The following SLC30A1 variants were observed in gnomAD, a reference collection of about 807,000 sequenced individuals.
SLC30A1 encodes proton-coupled zinc antiporter SLC30A1.
In SLC30A1, 7 loss-of-function variants were observed where a neutral mutation model predicts 29.8. The ratio of observed to expected loss-of-function variants is 0.23; its 90% CI spans 0.13 to 0.44. The LOEUF is 0.44. SLC30A1 is among the 20% of genes least tolerant of loss of function. The pLI is 1.00. For synonymous variants in SLC30A1, 254 were observed against 253.5 expected, an observed-to-expected ratio of 1.00 and a Z score of -0.02; for missense variants, 446 against 647.9, an observed-to-expected ratio of 0.69 and a Z score of 3.38.
Position 211,578,722 on chromosome 1 carries a change from C to A in SLC30A1, c.-110G>T. On this transcript the variant is annotated 5_prime_UTR_variant, in exon 1 of 2. Transcript: ENST00000367001. ...GACACGGAGGAGCGCCCGAGTCGGG[C>A]CGTTCGGGAAACCGCTGAGGGGCCC... The A allele has an allele frequency of 1.7e-6, 2 of 1,205,196 alleles. No homozygotes were observed. The highest frequency in any genetic ancestry group is 1.1e-6 in the Non-Finnish European group (1 of 921,216). The allele number at this position is 1,205,196 out of a possible 1,614,324, so 74.7% of individuals were successfully genotyped here.
chr1:211,574,521 A>C lies in SLC30A1; in HGVS notation c.*867T>G, dbSNP rs549680176. 45 of 152,292 alleles carry C rather than the reference A, an allele frequency of 3.0e-4. No individual in the cohort carries two copies. The highest frequency in any genetic ancestry group is 1.3e-3 in the Admixed American group (20 of 15,300). The allele number at this position is 152,292 out of a possible 1,614,324, so 9.4% of individuals were successfully genotyped here. A position where few individuals can be genotyped will look rare whatever the true frequency, so the allele number is the denominator to read the frequency against. On this transcript the variant is annotated 3_prime_UTR_variant, in exon 2 of 2. Coordinates refer to ENST00000367001, the MANE Select transcript of SLC30A1 (RefSeq NM_021194.3). ...ATTACATTAATCGTTTGCGTTTAGC[A>C]TGTAATTATTAGGTGTCAACATCCT...
intron 1 of SLC30A1, among the ~76,000 whole-genome samples, chr1:211,576,884 AC>A (rs1395110689): frequency 1.5e-5 from 2 of 134,176 alleles, no homozygotes; most frequent in Non-Finnish European, 3.3e-5. Context: ...TACCTGCCCT[AC>A]TAACTTTTAA....
In SLC30A1 at chr1:211,573,963, T is replaced by C. The variant is rs41283136; in HGVS notation, c.*1425A>G. ...TTTCCTCTTACAACCCATTAAACAA[T>C]GAACTATTTTAAATCCCAAAACGTA... is the stretch of plus-strand genomic sequence containing the variant. On this transcript the variant is annotated 3_prime_UTR_variant, in exon 2 of 2. Coordinates refer to ENST00000367001, the MANE Select transcript of SLC30A1 (RefSeq NM_021194.3). The C allele has an allele frequency of 0.019, 2,936 of 152,620 alleles. 58 individuals carry two copies. Among genetic ancestry groups the C allele is most frequent in the South Asian group, 0.04 (193 of 4,828 alleles). 9.5% of individuals were successfully genotyped at this position (152,620 alleles called of 1,614,324 possible).
At position 211,578,199 on chromosome 1, in the gene SLC30A1, G is replaced by T; in HGVS notation, c.414C>A (p.Ser138Arg). The change falls in exon 1 of 2, where the codon AGC becomes AGA. Residue 138 changes from serine (S) to arginine (R), a missense_variant. By Grantham distance (110) the Ser-to-Arg change is moderately radical (BLOSUM62 -1). This residue lies in a region of SLC30A1 where 159 missense variants were observed against 161.1 expected (regional missense o/e 0.99). Transcript: ENST00000367001. The stretch of plus-strand genomic sequence containing the variant: ...CGTGGCCGGAGTCCTGGCTGAAGCC[G>T]CTGTGATGGTGGAAGAGGCAGAGCC... ...VLGLCLFHHH[S>R]GFSQDSGHGH... is the part of the protein sequence containing the mutation. 6.2e-7 allele frequency: 1 copy of T among 1,610,456 alleles called. No individual in the cohort carries two copies. The highest frequency in any genetic ancestry group is 8.5e-7 in the Non-Finnish European group (1 of 1,178,902).
rs940126544 is a variant in SLC30A1, at chr1:211,573,363, AT to A, written c.*2024del. ...AGCCCTTGTCCTATGCTTATATACC[AT>A]TTTTTAAAATCCTCATTCAGTTGAT... On this transcript the variant is annotated 3_prime_UTR_variant, in exon 2 of 2. Coordinates refer to ENST00000367001, the MANE Select transcript of SLC30A1 (RefSeq NM_021194.3). 6.6e-6 allele frequency: 1 copy of A among 152,036 alleles called. No individual in the cohort carries two copies. Among genetic ancestry groups the A allele is most frequent in the Non-Finnish European group, 1.5e-5 (1 of 67,900 alleles). The allele number at this position is 152,036 out of a possible 1,614,324, so 9.4% of individuals were successfully genotyped here.
Position 211,578,293 on chromosome 1 carries a change from G to A in SLC30A1, c.320C>T (p.Pro107Leu). 1 of 1,612,230 alleles carries A rather than the reference G, an allele frequency of 6.2e-7. No homozygotes were observed. The highest frequency in any genetic ancestry group is 8.5e-7 in the Non-Finnish European group (1 of 1,179,652). ...CACCAGCGGCTGCTGCATCTCGTGC[G>A]GCTCGATGAAGCGCTCGATGGCCTC... ...LLEAIERFIE[P>L]HEMQQPLVVL... is the part of the protein sequence containing the mutation. Residue 107 changes from proline to leucine, a missense_variant, in exon 1 of 2, where the codon CCG becomes CTG. Coordinates refer to ENST00000367001, the MANE Select transcript of SLC30A1 (RefSeq NM_021194.3).
In SLC30A1 at chr1:211,577,581, G is replaced by A. The variant is rs1706734632; in HGVS notation, c.622+410C>T. On this transcript the variant is annotated intron_variant, in intron 1 of 1. Coordinates refer to ENST00000367001, the MANE Select transcript of SLC30A1 (RefSeq NM_021194.3). This position sits in a 1 kb window ranked among gnomAD's most constrained non-coding sequence, Gnocchi z 4.5. ...TGGGGACGAATTGGGGATTCTCTCCGTTTCCCAAGAGGGCCAAGGAATTGA... is the reference window on the plus strand; with the variant it reads ...TGGGGACGAATTGGGGATTCTCTCCATTTCCCAAGAGGGCCAAGGAATTGA... Among the ~76,000 whole-genome samples the A allele has an allele frequency of 6.6e-6, 1 of 152,182 alleles. No individual in the cohort carries two copies. Among genetic ancestry groups the A allele is most frequent in the Non-Finnish European group, 1.5e-5 (1 of 68,038 alleles).
rs919462164 is a variant in SLC30A1 at position 211,576,223 on chromosome 1, G to C, written c.689C>G (p.Pro230Arg). The C allele has an allele frequency of 1.2e-6, 2 of 1,612,386 alleles. No individual in the cohort carries two copies. Among genetic ancestry groups the C allele is most frequent in the Non-Finnish European group, 1.7e-6 (2 of 1,179,612 alleles). The change falls in exon 2 of 2, where the codon CCT (proline) becomes CGT (arginine). Residue 230 changes from proline (P) to arginine (R), a missense_variant. Pro to Arg is a moderately radical substitution (Grantham distance 103). Coordinates refer to ENST00000367001, the MANE Select transcript of SLC30A1 (RefSeq NM_021194.3). ...VQVNGNLVRE[P>R]DHMELEEDRA... Reference sequence around the variant, plus strand: ...ATCTTCTTCCAGTTCCATATGGTCAGGTTCTCTGACAAGATTTCCATTCAC... The same window carrying C: ...ATCTTCTTCCAGTTCCATATGGTCACGTTCTCTGACAAGATTTCCATTCAC...
chr1:211,578,752 G>T lies in SLC30A1; in HGVS notation c.-140C>A. The T allele has an allele frequency of 1.3e-6, 1 of 764,708 alleles. No homozygotes were observed. The highest frequency in any genetic ancestry group is 1.8e-6 in the Non-Finnish European group (1 of 540,802). The allele number at this position is 764,708 out of a possible 1,614,324, so 47.4% of individuals were successfully genotyped here. On this transcript the variant is annotated 5_prime_UTR_variant, in exon 1 of 2. Transcript: ENST00000367001. ...CGGGAAACCGCTGAGGGGCCCCCGC[G>T]GCCGCACGGGGACAAGCCCGGGTCA... is the stretch of plus-strand genomic sequence containing the variant.
rs1706665895 is a variant in SLC30A1 at position 211,572,450 on chromosome 1, C to T, written c.*2938G>A. 6.6e-6 allele frequency: 1 copy of T among 152,072 alleles called. No homozygotes were observed. Among genetic ancestry groups the T allele is most frequent in the African/African-American group, 2.4e-5 (1 of 41,430 alleles). 9.4% of individuals were successfully genotyped at this position (152,072 alleles called of 1,614,324 possible). ...TCAACACCAGTTAACATACGAAATA[C>T]TTCACATTAGGTTCCATAGGTCTTT... On this transcript the variant is annotated 3_prime_UTR_variant, in exon 2 of 2. Transcript: ENST00000367001.
chr1:211,575,616 C>A lies in SLC30A1; in HGVS notation c.1296G>T (p.Pro432=), dbSNP rs369229728. 3.1e-6 allele frequency: 5 copies of A among 1,614,002 alleles called. No individual in the cohort carries two copies. The highest frequency in any genetic ancestry group is 4.2e-6 in the Non-Finnish European group (5 of 1,179,928). Residue 432 remains proline, a synonymous_variant, in exon 2 of 2, where the codon CCG becomes CCT. Coordinates refer to ENST00000367001, the MANE Select transcript of SLC30A1 (RefSeq NM_021194.3). The surrounding 1 kb of genome is among the most constrained non-coding windows in gnomAD (Gnocchi z 6.0). ...ASVGSKSSVV[P]CELACRTQCA... ...ACTGGGTTCTGCAGGCAAGTTCACA[C>A]GGAACTACACTTGATTTAGAGCCTA...
Position 211,578,517 on chromosome 1 carries a change from G to C in SLC30A1, c.96C>G (p.Thr32=). The change falls in exon 1 of 2, where the codon ACC becomes ACG. Residue 32 remains threonine, a synonymous_variant. Transcript: ENST00000367001. ...MVLEVVVSRV[T]SSLAMLSDSF... is the part of the protein sequence containing the mutation. Reference sequence around the variant, plus strand: ...AGTCGGAGAGCATCGCCAGCGACGAGGTCACCCGGCTCACCACCACCTCCA... The same window carrying C: ...AGTCGGAGAGCATCGCCAGCGACGACGTCACCCGGCTCACCACCACCTCCA... 1 of 1,611,532 alleles carries C rather than the reference G, an allele frequency of 6.2e-7. No individual in the cohort carries two copies. The highest frequency in any genetic ancestry group is 8.5e-7 in the Non-Finnish European group (1 of 1,179,194).
rs1308180731 is a variant in SLC30A1 at position 211,578,036 on chromosome 1, C to T, written c.577G>A (p.Val193Met). The T allele has an allele frequency of 6.2e-7, 1 of 1,613,270 alleles. No individual in the cohort carries two copies. The highest frequency in any genetic ancestry group is 1.7e-5 in the Admixed American group (1 of 60,026). Residue 193 changes from valine to methionine, a missense_variant, in exon 1 of 2, where the codon GTG becomes ATG. This residue lies in a region of SLC30A1 where 159 missense variants were observed against 161.1 expected (regional missense o/e 0.99). Coordinates refer to ENST00000367001, the MANE Select transcript of SLC30A1 (RefSeq NM_021194.3). ...GPDQEETNTL[V>M]ANTSNSNGLK... ...CCGTTGGAGTTGCTGGTATTGGCCA[C>T]CAGGGTGTTGGTCTCCTCCTGGTCG...
At position 211,575,360 on chromosome 1, in the gene SLC30A1, A is replaced by G. The variant is rs1294754202; in HGVS notation, c.*28T>C. The G allele has an allele frequency of 5.9e-6, 9 of 1,536,494 alleles. No homozygotes were observed. The highest frequency in any genetic ancestry group is 7.9e-6 in the Non-Finnish European group (9 of 1,145,662). On this transcript the variant is annotated 3_prime_UTR_variant, in exon 2 of 2. Coordinates refer to ENST00000367001, the MANE Select transcript of SLC30A1 (RefSeq NM_021194.3). The surrounding 1 kb of genome is among the most constrained non-coding windows in gnomAD (Gnocchi z 6.0). ...TTTTTCCTCTTGCAGTTTAAAGCAAAAGTCAAATATCACATCTTTTTCAAG... is the reference window on the plus strand; with the variant it reads ...TTTTTCCTCTTGCAGTTTAAAGCAAGAGTCAAATATCACATCTTTTTCAAG...
rs2102405191 is a variant in SLC30A1, at chr1:211,572,286, A to C, written c.*3102T>G. 1 of 152,250 alleles carries C rather than the reference A, an allele frequency of 6.6e-6. No individual in the cohort carries two copies. The highest frequency in any genetic ancestry group is 1.9e-4 in the East Asian group (1 of 5,192). 9.4% of individuals were successfully genotyped at this position (152,250 alleles called of 1,614,324 possible). ...GAGTTTTAACACTGTTTATGACTTA[A>C]CTGAAACTCAGTATTAAAATAAATA... On this transcript the variant is annotated 3_prime_UTR_variant, in exon 2 of 2. Transcript: ENST00000367001.
Position 211,576,042 on chromosome 1 carries a change from G to T in SLC30A1, c.870C>A (p.Pro290=), listed in dbSNP as rs1226469921. 1 of 1,613,316 alleles carries T rather than the reference G, an allele frequency of 6.2e-7. No homozygotes were observed. The highest frequency in any genetic ancestry group is 8.5e-7 in the Non-Finnish European group (1 of 1,179,752). Residue 290 remains proline, a synonymous_variant, in exon 2 of 2, where the codon CCC becomes CCA. Transcript: ENST00000367001. ...DFCVNPCFPD[P]CKAFVEIINS... is the part of the protein sequence containing the mutation. Reference sequence around the variant, plus strand: ...TAATTATTTCTACAAATGCTTTGCAGGGGTCAGGGAAACATGGATTCACAC... The same window carrying T: ...TAATTATTTCTACAAATGCTTTGCATGGGTCAGGGAAACATGGATTCACAC...
chr1:211,575,825 C>T lies in SLC30A1; in HGVS notation c.1087G>A (p.Val363Ile), dbSNP rs1706710967. 1 of 1,614,008 alleles carries T rather than the reference C, an allele frequency of 6.2e-7. No homozygotes were observed. Among genetic ancestry groups the T allele is most frequent in the South Asian group, 1.1e-5 (1 of 91,052 alleles). Residue 363 changes from valine (V) to isoleucine (I), a missense_variant, in exon 2 of 2, where the codon GTT becomes ATT. By Grantham distance (29) the Val-to-Ile change is conservative. Coordinates refer to ENST00000367001, the MANE Select transcript of SLC30A1 (RefSeq NM_021194.3). The surrounding 1 kb of genome is among the most constrained non-coding windows in gnomAD (Gnocchi z 6.0). ...TCATGAACTTCCTCAACTCCTTCAACATTTCGAAGTTCTTTTATCAAATTT... is the reference window on the plus strand; with the variant it reads ...TCATGAACTTCCTCAACTCCTTCAATATTTCGAAGTTCTTTTATCAAATTT... ...IRNLIKELRN[V>I]EGVEEVHELH... is the part of the protein sequence containing the mutation.
chr1:211,575,392 A>T lies in SLC30A1; in HGVS notation c.1520T>A (p.Leu507Ter). 1 of 1,580,474 alleles carries T rather than the reference A, an allele frequency of 6.3e-7. No individual in the cohort carries two copies. The highest frequency in any genetic ancestry group is 8.6e-7 in the Non-Finnish European group (1 of 1,165,968). Residue 507 changes from leucine to a stop codon, truncating the protein, a stop_gained, in exon 2 of 2, where the codon TTG becomes TAG. Coordinates refer to ENST00000367001, the MANE Select transcript of SLC30A1 (RefSeq NM_021194.3). LOFTEE classifies it high-confidence loss of function. This position sits in a 1 kb window ranked among gnomAD's most constrained non-coding sequence, Gnocchi z 6.0. ...ATATCACATCTTTTTCAAGACTCAC[A>T]AAGATGATTCAGGTTGTTTGTTTGG... is the stretch of plus-strand genomic sequence containing the variant. ...NMPNKQPESS[L>*]
rs774656710 is a variant in SLC30A1 at position 211,575,952 on chromosome 1, A to G, written c.960T>C (p.Leu320=). 5.0e-6 allele frequency: 8 copies of G among 1,613,404 alleles called. No individual in the cohort carries two copies. Among genetic ancestry groups the G allele is most frequent in the Non-Finnish European group, 6.8e-6 (8 of 1,179,574 alleles). The change falls in exon 2 of 2, where the codon CTT becomes CTC. Residue 320 remains leucine, a synonymous_variant. Transcript: ENST00000367001. The surrounding 1 kb of genome is among the most constrained non-coding windows in gnomAD (Gnocchi z 6.0). ...GAAGTATACAAACCATTACAACACA[A>G]AGAGTTGGATCTAAATATAGCACCC... ...PCWVLYLDPT[L]CVVMVCILLY... is the part of the protein sequence containing the mutation.
Sources: gnomAD v4.1 joint callset for allele counts (sites outside exome capture counted in the v4.1 genomes callset) on GRCh38, gnomAD v4.1.1 for gene constraint, gnomAD v4.1.1 regional missense constraint, Gnocchi (gnomAD v3.1) non-coding constraint, MANE v1.5 for transcripts, NCBI Gene and HGNC (gene_info 2026-07-23, HGNC 2026-07-21) for gene names.